WDPCP: variants seen among roughly 807,000 people sequenced by gnomAD.
WDPCP encodes the protein WD repeat containing planar cell polarity effector, also known as WD repeat-containing and planar cell polarity effector protein fritz homolog.
Under a neutral mutation model 93.1 loss-of-function variants are expected in WDPCP, and 71 were observed. That is an observed-to-expected ratio of 0.76 (90% confidence interval 0.63 to 0.93). The LOEUF is 0.93. Ranked by LOEUF, WDPCP falls within the 40% of genes least tolerant of loss-of-function variation. The probability of loss-of-function intolerance (pLI) is 0.00; values close to 1 mark genes in which losing one functional copy is unlikely to be tolerated. For missense variants in WDPCP, 844 were observed against 887.4 expected (o/e 0.95, Z 0.62); for synonymous variants, 315 against 315.0 (o/e 1.00, Z 0.00).
intron 1 of WDPCP, among the ~76,000 whole-genome samples, chr2:63,572,861 T>C (rs1707634267): frequency 6.6e-6 from 1 of 152,032 alleles, no homozygotes; most frequent in African/African-American, 2.4e-5. Flanking sequence ...TGAAAAGTTA[T>C]GCCCAACTTA....
chr2:63,270,903 C>T (rs191412018), intron 13 of WDPCP, among the ~76,000 whole-genome samples: 2 of 152,254 alleles, frequency 1.3e-5, no homozygotes, highest in African/African-American at 4.8e-5. Context: ...ACTCAAGCAG[C>T]TGTAGCATGA....
intron 2 of WDPCP, among the ~76,000 whole-genome samples, chr2:63,653,864 C>T (rs562075430): frequency 2.2e-4 from 32 of 148,126 alleles, no homozygotes; most frequent in Non-Finnish European, 4.3e-4. Flanking sequence ...GAGTTGAGAT[C>T]GTGCCACTGC....
At chr2:63,180,734 G>T (rs898311238) in intron 14 of WDPCP, among the ~76,000 whole-genome samples, 1 of 151,982 alleles carries the variant, frequency 6.6e-6, no homozygotes, top group Non-Finnish European at 1.5e-5. Flanking sequence ...AGTTCTATTT[G>T]CAGTTCTATG....
intron 12 of WDPCP, among the ~76,000 whole-genome samples, chr2:63,360,497 T>C (rs1021755486): frequency 2.0e-5 from 3 of 152,202 alleles, no homozygotes; most frequent in African/African-American, 2.4e-5. Context: ...ATGCCAAACA[T>C]AGGTTTAACA....
At chr2:63,628,096 G>A (rs1158707493) in intron 3 of WDPCP, among the ~76,000 whole-genome samples, 2 of 152,186 alleles carry the variant, frequency 1.3e-5, no homozygotes, top group African/African-American at 4.8e-5. Flanking sequence ...GTCCTGCTAG[G>A]GGTTGAGAGC....
chr2:63,485,609 T>C (rs1354738526), intron 4 of WDPCP, among the ~76,000 whole-genome samples: 1 of 151,828 alleles, frequency 6.6e-6, no homozygotes, highest in Non-Finnish European at 1.5e-5. Context: ...TAAGCCTTCG[T>C]TTTGCTTTAA....
intron 12 of WDPCP, among the ~76,000 whole-genome samples, chr2:63,361,982 G>A (rs1395626174): frequency 1.3e-5 from 2 of 152,068 alleles, no homozygotes; most frequent in African/African-American, 2.4e-5. Flanking sequence ...AGGTACATGT[G>A]ATATTTTGAC....
intron 17 of WDPCP, among the ~76,000 whole-genome samples, chr2:63,134,942 G>A (rs1670517771): frequency 6.6e-6 from 1 of 152,132 alleles, no homozygotes; most frequent in Non-Finnish European, 1.5e-5. Flanking sequence ...GGGCAACAAG[G>A]TGAAACCCTG....
At chr2:63,358,229 T>G (rs962557080) in intron 12 of WDPCP, among the ~76,000 whole-genome samples, 7 of 152,016 alleles carry the variant, frequency 4.6e-5, no homozygotes, top group African/African-American at 1.7e-4. Flanking sequence ...TCTCTGAACC[T>G]AAAAGTTTTT....
chr2:63,502,112 G>A (rs534224628), intron 1 of WDPCP, among the ~76,000 whole-genome samples: 7 of 152,218 alleles, frequency 4.6e-5, no homozygotes, highest in Admixed American at 6.5e-5. Flanking sequence ...CTTACAACAC[G>A]TGCACACCCA....
chr2:63,663,329 C>A (rs1710248692), intron 2 of WDPCP, among the ~76,000 whole-genome samples: 1 of 152,208 alleles, frequency 6.6e-6, no homozygotes, highest in African/African-American at 2.4e-5. Flanking sequence ...TCTTCAATAT[C>A]TCTGGTTCAC....
At chr2:63,326,159 G>T (rs888768465) in intron 12 of WDPCP, among the ~76,000 whole-genome samples, 2 of 152,206 alleles carry the variant, frequency 1.3e-5, no homozygotes, top group Non-Finnish European at 2.9e-5. Flanking sequence ...GATAACAGGC[G>T]CTACTCCTTG....
At chr2:63,710,167 G>A (rs1264333110) in intron 2 of WDPCP, among the ~76,000 whole-genome samples, 1 of 152,174 alleles carries the variant, frequency 6.6e-6, no homozygotes, top group African/African-American at 2.4e-5. Flanking sequence ...TTTGCCTTCT[G>A]GCTTAGTGAT....
chr2:63,594,626 A>G (rs1382975303), intron 3 of WDPCP: 1 of 1,357,858 alleles, frequency 7.4e-7, no homozygotes, highest in African/African-American at 1.5e-5. Context: ...TATTAGAGTA[A>G]GAATATGGTT....
At chr2:63,241,560 T>C (rs562968728) in intron 14 of WDPCP, among the ~76,000 whole-genome samples, 31 of 152,160 alleles carry the variant, frequency 2.0e-4, no homozygotes, top group Non-Finnish European at 4.0e-4. Context: ...ACCTCTTGGA[T>C]AGAATTTTTA....
chr2:63,473,026 G>A (rs1252655377), intron 6 of WDPCP, among the ~76,000 whole-genome samples: 1 of 152,168 alleles, frequency 6.6e-6, no homozygotes, highest in Non-Finnish European at 1.5e-5. Flanking sequence ...GAGATTTACA[G>A]ATGGAGAATT....
At chr2:63,501,761 C>T (rs1322090891) in intron 1 of WDPCP, among the ~76,000 whole-genome samples, 2 of 152,048 alleles carry the variant, frequency 1.3e-5, no homozygotes, top group Admixed American at 6.6e-5. Context: ...GGATTACAGG[C>T]GTGAGCCACC....
At chr2:63,219,055 T>C (rs993820250) in intron 14 of WDPCP, among the ~76,000 whole-genome samples, 3 of 152,318 alleles carry the variant, frequency 2.0e-5, no homozygotes, top group East Asian at 3.9e-4. Context: ...TGTTTAAATA[T>C]ACAATTTACA....
intron 2 of WDPCP, among the ~76,000 whole-genome samples, chr2:63,755,598 C>G (rs939119879): frequency 6.6e-6 from 1 of 152,170 alleles, no homozygotes; most frequent in Non-Finnish European, 1.5e-5. Context: ...CTACATAATG[C>G]TTAAATTTTT....
Sources: allele counts gnomAD v4.1 joint callset (sites outside exome capture counted in the v4.1 genomes callset), GRCh38; gene constraint gnomAD v4.1.1; transcripts MANE v1.5; gene names NCBI Gene and HGNC (gene_info 2026-07-23, HGNC 2026-07-21).